XPR1: variants seen among roughly 807,000 people sequenced by gnomAD.
The protein encoded by XPR1 is solute carrier family 53 member 1.
In XPR1, 28 loss-of-function variants were observed where a neutral mutation model predicts 87.5. The observed-to-expected ratio is 0.32, with a 90% confidence interval of 0.24 to 0.44. The LOEUF (loss-of-function observed/expected upper bound fraction) is 0.44. Among genes scored for constraint, XPR1 ranks in the 20% least tolerant of loss-of-function variants. The pLI is 1.00. For synonymous variants in XPR1, 300 were observed against 306.1 expected, an observed-to-expected ratio of 0.98 and a Z score of 0.21; for missense variants, 559 against 862.3, an observed-to-expected ratio of 0.65 and a Z score of 4.41.
At chr1:180,823,176 G>A (rs1650700477) in intron 7 of XPR1, among the ~76,000 whole-genome samples, 1 of 151,702 alleles carries the variant, frequency 6.6e-6, no homozygotes, top group Non-Finnish European at 1.5e-5. Flanking sequence ...GGGAGGCAGA[G>A]GTTGCAGTGA....
At chr1:180,745,100 C>T (rs1364729269) in intron 2 of XPR1, among the ~76,000 whole-genome samples, 1 of 152,134 alleles carries the variant, frequency 6.6e-6, no homozygotes, top group Admixed American at 6.6e-5. Context: ...TGTCAGTTGC[C>T]TGGACAGCAG....
At chr1:180,740,664 A>C (rs1181118939) in intron 2 of XPR1, among the ~76,000 whole-genome samples, 2 of 152,170 alleles carry the variant, frequency 1.3e-5, no homozygotes, top group Admixed American at 6.5e-5. Flanking sequence ...GATAGTATTG[A>C]CGTCCTAAAA....
chr1:180,817,813 C>T (rs1214317387), intron 7 of XPR1, among the ~76,000 whole-genome samples: 6 of 152,066 alleles, frequency 3.9e-5, no homozygotes, highest in Non-Finnish European at 7.4e-5. Flanking sequence ...GAATATGAGC[C>T]GGAACTTCTA....
At chr1:180,735,011 G>A (rs1658683276) in intron 2 of XPR1, among the ~76,000 whole-genome samples, 1 of 152,184 alleles carries the variant, frequency 6.6e-6, no homozygotes, top group South Asian at 2.1e-4. Context: ...AGCTAGTGAG[G>A]AATCACAGAA....
At chr1:180,744,862 A>G (rs986880390) in intron 2 of XPR1, among the ~76,000 whole-genome samples, 5 of 151,800 alleles carry the variant, frequency 3.3e-5, no homozygotes, top group African/African-American at 9.7e-5. Flanking sequence ...CGTGTTAGCC[A>G]GGATGGTCTC....
intron 11 of XPR1, among the ~76,000 whole-genome samples, chr1:180,852,342 C>T (rs1651890598): frequency 1.3e-5 from 2 of 152,076 alleles, no homozygotes; most frequent in African/African-American, 2.4e-5. Context: ...TATAATATCA[C>T]AGCCAGAATA....
intron 11 of XPR1, among the ~76,000 whole-genome samples, chr1:180,851,982 T>C (rs1651880480): frequency 6.6e-6 from 1 of 151,570 alleles, no homozygotes; most frequent in African/African-American, 2.4e-5. Flanking sequence ...ATCTTCAATG[T>C]ATCAGGCACT....
intron 1 of XPR1, among the ~76,000 whole-genome samples, chr1:180,632,882 A>G (rs949996642): frequency 6.6e-6 from 1 of 152,214 alleles, no homozygotes; most frequent in Non-Finnish European, 1.5e-5. Context: ...GTTTTTGTAA[A>G]CACGTTGTAA....
chr1:180,646,420 C>T (rs958364470), intron 1 of XPR1, among the ~76,000 whole-genome samples: 2 of 151,480 alleles, frequency 1.3e-5, no homozygotes, highest in African/African-American at 2.4e-5. Flanking sequence ...TCGAAAAAGA[C>T]TTGTCTTTTA....
chr1:180,793,602 CTT>C (rs1649464700), intron 3 of XPR1, among the ~76,000 whole-genome samples: 1 of 151,884 alleles, frequency 6.6e-6, no homozygotes, highest in Non-Finnish European at 1.5e-5. Context: ...TCATGATTCT[CTT>C]GAGTTCATTA....
At chr1:180,778,588 A>G (rs1270023139) in intron 2 of XPR1, among the ~76,000 whole-genome samples, 5 of 152,158 alleles carry the variant, frequency 3.3e-5, no homozygotes, top group Non-Finnish European at 5.9e-5. Flanking sequence ...ACCCCTACCC[A>G]TTAGACTCTA....
At chr1:180,878,725 T>A (rs1467113458) in intron 13 of XPR1, among the ~76,000 whole-genome samples, 1 of 152,158 alleles carries the variant, frequency 6.6e-6, no homozygotes, top group Non-Finnish European at 1.5e-5. Flanking sequence ...CCCTTGTCAG[T>A]TCTCTGTACT....
intron 3 of XPR1, among the ~76,000 whole-genome samples, chr1:180,799,068 C>T (rs1341037027): frequency 6.6e-6 from 1 of 152,126 alleles, no homozygotes; most frequent in Non-Finnish European, 1.5e-5. Flanking sequence ...TACTTTTAGC[C>T]AGTAAACCCC....
chr1:180,759,030 A>C (rs567494487), intron 2 of XPR1, among the ~76,000 whole-genome samples: 3 of 152,120 alleles, frequency 2.0e-5, no homozygotes, highest in Non-Finnish European at 4.4e-5. Flanking sequence ...GGTACATAAC[A>C]AAATGAAGGC....
At chr1:180,632,762 C>G (rs1268846273) in intron 1 of XPR1, among the ~76,000 whole-genome samples, 2 of 152,244 alleles carry the variant, frequency 1.3e-5, no homozygotes, top group Non-Finnish European at 2.9e-5. Context: ...CAGTGATTTC[C>G]TTCATTCCAA....
At chr1:180,742,428 G>T (rs1341799216) in intron 2 of XPR1, among the ~76,000 whole-genome samples, 1 of 151,994 alleles carries the variant, frequency 6.6e-6, no homozygotes, top group Non-Finnish European at 1.5e-5. Flanking sequence ...CATGTGTTTG[G>T]AGAATTTGCT....
chr1:180,638,325 T>C (rs1406666996), intron 1 of XPR1, among the ~76,000 whole-genome samples: 1 of 152,140 alleles, frequency 6.6e-6, no homozygotes, highest in Non-Finnish European at 1.5e-5. Flanking sequence ...ATAATAAAAC[T>C]TTTTTTAAAT....
intron 2 of XPR1, among the ~76,000 whole-genome samples, chr1:180,738,078 C>T (rs1308926022): frequency 6.6e-6 from 1 of 152,176 alleles, no homozygotes; most frequent in Non-Finnish European, 1.5e-5. Context: ...GTGGCACGAT[C>T]TTGGCTCACT....
Position 180,806,225 on chromosome 1 carries a change from G to T in XPR1, c.597+14G>T. 1 of 1,606,552 alleles carries T rather than the reference G, an allele frequency of 6.2e-7. No homozygotes were observed. Among genetic ancestry groups the T allele is most frequent in the South Asian group, 1.1e-5 (1 of 90,134 alleles). ...TCTGAAACTGAGGTACAATAATCTCGTTTATTTACAACGTATTTTCAGTTA... is the reference window on the plus strand; with the variant it reads ...TCTGAAACTGAGGTACAATAATCTCTTTTATTTACAACGTATTTTCAGTTA... On this transcript the variant is annotated intron_variant, in intron 5 of 14. Coordinates refer to ENST00000367590, the MANE Select transcript of XPR1 (RefSeq NM_004736.4).
Sources: gnomAD v4.1 joint callset for allele counts (sites outside exome capture counted in the v4.1 genomes callset) on GRCh38, gnomAD v4.1.1 for gene constraint, MANE v1.5 for transcripts, NCBI Gene and HGNC (gene_info 2026-07-23, HGNC 2026-07-21) for gene names.